The following GRB10 variants were observed in gnomAD, a reference collection of about 807,000 sequenced individuals.
GRB10 encodes the protein growth factor receptor bound protein 10, also known as growth factor receptor-bound protein 10.
Under a neutral mutation model 80.9 loss-of-function variants are expected in GRB10, and 20 were observed. The observed-to-expected ratio is 0.25, with a 90% CI of 0.17 to 0.36. The LOEUF is 0.36. Ranked by LOEUF, GRB10 falls within the 10% of genes least tolerant of loss-of-function variation. The pLI, the probability that GRB10 is intolerant of heterozygous loss-of-function variation, is 1.00. For missense variants in GRB10, 548 were observed against 747.7 expected, an observed-to-expected ratio of 0.73 and a Z score of 3.12; for synonymous variants, 291 against 291.5, an observed-to-expected ratio of 1.00 and a Z score of 0.02.
At chr7:50,714,616 T>C (rs995844870) in intron 4 of GRB10, among the ~76,000 whole-genome samples, 27 of 151,922 alleles carry the variant, frequency 1.8e-4, no homozygotes, top group African/African-American at 6.5e-4. Context: ...TGAGCCGAGA[T>C]TGCACCACTG....
At chr7:50,690,283 C>T (rs1478845149) in intron 5 of GRB10, among the ~76,000 whole-genome samples, 3 of 146,854 alleles carry the variant, frequency 2.0e-5, no homozygotes, top group Non-Finnish European at 3.0e-5. Context: ...GCAACAAGAG[C>T]GAAACTCTGT....
chr7:50,752,298 TTG>T (rs774883484), intron 3 of GRB10, among the ~76,000 whole-genome samples: 4 of 152,012 alleles, frequency 2.6e-5, no homozygotes, highest in South Asian at 4.2e-4. Context: ...AAGCCAAAAG[TTG>T]AGAGGATGTC....
chr7:50,686,440 C>G (rs1375700645), intron 5 of GRB10, among the ~76,000 whole-genome samples: 1 of 152,194 alleles, frequency 6.6e-6, no homozygotes, highest in Non-Finnish European at 1.5e-5. Context: ...CAGACTAAGA[C>G]AGTTCCAAAA....
rs528885077 is a variant in GRB10, at chr7:50,698,778, T to C, written c.139+5043A>G. On this transcript the variant is annotated intron_variant, in intron 5 of 18. Coordinates refer to ENST00000401949, the MANE Select transcript of GRB10 (RefSeq NM_001350814.2). ...GTTTTTCAAATTTGTCTTCAAATTCTTGAGTTTCACTCTTTCTTATTAAAG... is the reference window on the plus strand; with the variant it reads ...GTTTTTCAAATTTGTCTTCAAATTCCTGAGTTTCACTCTTTCTTATTAAAG... 8.6e-4 allele frequency among the ~76,000 whole-genome samples: 131 copies of C among 152,396 alleles called. 1 individual carries two copies. Among genetic ancestry groups the C allele is most frequent in the African/African-American group, 3.0e-3 (125 of 41,600 alleles).
At chr7:50,747,510 C>T (rs2073173782) in intron 3 of GRB10, 1 of 152,182 alleles carries the variant, frequency 6.6e-6, no homozygotes, top group South Asian at 2.1e-4. Flanking sequence ...CTCTCCAACC[C>T]TTTGGGATTT....
At chr7:50,632,121 C>A (rs17544971) in intron 7 of GRB10, among the ~76,000 whole-genome samples, 15,036 of 152,090 alleles carry the variant, frequency 0.099, 962 homozygotes, top group Non-Finnish European at 0.11. Context: ...ATTAATCTCA[C>A]CAAAAAGGAA....
chr7:50,748,307 A>G (rs1160953510), intron 3 of GRB10, among the ~76,000 whole-genome samples: 1 of 152,176 alleles, frequency 6.6e-6, no homozygotes, highest in African/African-American at 2.4e-5. Context: ...TTAGAGATGG[A>G]CATCAGACAG....
intron 5 of GRB10, among the ~76,000 whole-genome samples, chr7:50,701,460 G>A (rs572884825): frequency 8.1e-4 from 124 of 152,220 alleles, no homozygotes; most frequent in Non-Finnish European, 1.5e-3. Context: ...GAGTAGTGGC[G>A]CACACCTGTA....
At position 50,612,744 on chromosome 7, in the gene GRB10, G is replaced by A; in HGVS notation, c.1191C>T (p.Leu397=). The change falls in exon 13 of 19, where the codon CTC becomes CTT. Residue 397 remains leucine, a synonymous_variant. Transcript: ENST00000401949. ...RTCWMTAFRL[L]KYGMLLYQNY... is the part of the protein sequence containing the mutation. ...CAAACCGCAAGATGTCACATACCTT[G>A]AGGAGTCTGAACGCTGTCATCCAGC... 6.2e-7 allele frequency: 1 copy of A among 1,610,388 alleles called. No homozygotes were observed. Among genetic ancestry groups the A allele is most frequent in the Non-Finnish European group, 8.5e-7 (1 of 1,176,978 alleles).
At chr7:50,776,062 T>G (rs1429542013) in intron 2 of GRB10, among the ~76,000 whole-genome samples, 1 of 152,196 alleles carries the variant, frequency 6.6e-6, no homozygotes, top group East Asian at 1.9e-4. Context: ...TTCAGGATCA[T>G]TCTTCCATTA....
chr7:50,613,294 C>A (rs562176510), intron 12 of GRB10, among the ~76,000 whole-genome samples: 2 of 152,102 alleles, frequency 1.3e-5, no homozygotes, highest in Admixed American at 1.3e-4. Flanking sequence ...CAGGGCTTAG[C>A]CAAGAGGGGC....
chr7:50,658,625 T>C (rs1317661820), intron 7 of GRB10, among the ~76,000 whole-genome samples: 1 of 152,200 alleles, frequency 6.6e-6, no homozygotes, highest in Non-Finnish European at 1.5e-5. Flanking sequence ...GTGCTCACAT[T>C]TCCAATGCTC....
chr7:50,727,292 C>T (rs1587553261), intron 4 of GRB10, among the ~76,000 whole-genome samples: 2 of 152,182 alleles, frequency 1.3e-5, no homozygotes, highest in African/African-American at 4.8e-5. Flanking sequence ...ACAAAGCACA[C>T]CACTGACAGC....
intron 5 of GRB10, among the ~76,000 whole-genome samples, chr7:50,700,543 T>G (rs945402488): frequency 6.6e-6 from 1 of 152,222 alleles, no homozygotes; most frequent in Non-Finnish European, 1.5e-5. Context: ...AATTAATTCC[T>G]TCTACATTCC....
At chr7:50,715,919 C>G (rs185173413) in intron 4 of GRB10, among the ~76,000 whole-genome samples, 1 of 152,342 alleles carries the variant, frequency 6.6e-6, no homozygotes, top group African/African-American at 2.4e-5. Flanking sequence ...AGTGCCCACT[C>G]ACTGGCTGGA....
At chr7:50,603,942 C>A in intron 17 of GRB10, 56 bp downstream of exon 17, 1 of 1,312,204 alleles carries the variant, frequency 7.6e-7, no homozygotes, top group South Asian at 1.2e-5. Context: ...CAGAACAGAT[C>A]CCCAGCACAA....
At chr7:50,736,181 G>A (rs2070761600) in intron 3 of GRB10, among the ~76,000 whole-genome samples, 1 of 152,206 alleles carries the variant, frequency 6.6e-6, no homozygotes, top group African/African-American at 2.4e-5. Context: ...AGCTACCTGG[G>A]AGCCTGAGGC....
At chr7:50,605,511 G>C (rs2153570331) in intron 14 of GRB10, 105 bp from the exon 15 acceptor site, 16 of 945,234 alleles carry the variant, frequency 1.7e-5, no homozygotes, top group Non-Finnish European at 2.8e-5. Context: ...AGCAGGGAAT[G>C]CCTGCTTTCT....
At chr7:50,756,707 T>C (rs1340359598) in intron 2 of GRB10, among the ~76,000 whole-genome samples, 2 of 152,134 alleles carry the variant, frequency 1.3e-5, no homozygotes, top group Non-Finnish European at 2.9e-5. Flanking sequence ...TGGAGACCAA[T>C]TGAAACCCCT....
Sources: gnomAD v4.1 joint callset for allele counts (sites outside exome capture counted in the v4.1 genomes callset) on GRCh38, gnomAD v4.1.1 for gene constraint, MANE v1.5 for transcripts, NCBI Gene and HGNC (gene_info 2026-07-23, HGNC 2026-07-21) for gene names.